The following PCGF5 variants were observed in gnomAD, a reference collection of about 807,000 sequenced individuals.
PCGF5 encodes polycomb group RING finger protein 5.
A neutral mutation model predicts 44.3 loss-of-function variants in PCGF5; 9 were observed. The observed-to-expected ratio is 0.20, with a 90% CI of 0.12 to 0.35. PCGF5 has a LOEUF of 0.35. Ranked by LOEUF, PCGF5 falls within the 10% of genes least tolerant of loss-of-function variation. PCGF5 has a pLI of 1.00. For missense variants in PCGF5, 146 were observed against 305.3 expected (o/e 0.48, Z 3.89); for synonymous variants, 95 against 102.5 (o/e 0.93, Z 0.44).
intron 1 of PCGF5, among the ~76,000 whole-genome samples, chr10:91,180,962 T>C (rs1324557539): frequency 6.6e-6 from 1 of 152,254 alleles, no homozygotes; most frequent in Non-Finnish European, 1.5e-5. Flanking sequence ...TTTCACAATA[T>C]TGATTCTTCC....
At chr10:91,164,053 T>C (rs1005852870) in intron 1 of PCGF5, among the ~76,000 whole-genome samples, 6 of 152,228 alleles carry the variant, frequency 3.9e-5, no homozygotes, top group Non-Finnish European at 7.3e-5. Context: ...GGCCGTGAGC[T>C]CCAGGGCGGT....
intron 1 of PCGF5, among the ~76,000 whole-genome samples, chr10:91,163,920 A>G (rs960972225): frequency 7.9e-5 from 12 of 151,972 alleles, no homozygotes; most frequent in Non-Finnish European, 7.4e-5. Flanking sequence ...GAAACGTGCT[A>G]TTTTTTCGCT....
chr10:91,237,192 G>T (rs1349003647), intron 2 of PCGF5, among the ~76,000 whole-genome samples: 1 of 152,108 alleles, frequency 6.6e-6, no homozygotes, highest in African/African-American at 2.4e-5. Context: ...AAATTGTATT[G>T]AATTAAATAT....
At chr10:91,219,880 CT>C (rs1404474134), upstream of PCGF5, among the ~76,000 whole-genome samples, 23 of 152,114 alleles carry the variant, frequency 1.5e-4, no homozygotes, top group Admixed American at 1.5e-3. Context: ...TTAGAGTCAT[CT>C]ATCACTTTAG....
intron 2 of PCGF5, among the ~76,000 whole-genome samples, chr10:91,228,796 T>G (rs1202332849): frequency 6.6e-6 from 1 of 152,208 alleles, no homozygotes; most frequent in Non-Finnish European, 1.5e-5. Context: ...ATTAGCTGCA[T>G]CCACCATCAG....
At chr10:91,195,442 GTATATATA>G (rs1844110999) in intron 1 of PCGF5, among the ~76,000 whole-genome samples, 2 of 142,728 alleles carry the variant, frequency 1.4e-5, no homozygotes, top group African/African-American at 5.6e-5. Flanking sequence ...TAAATCATAT[GTATATATA>G]TGCATATATA....
At chr10:91,250,744 G>A (rs899655513) in intron 5 of PCGF5, among the ~76,000 whole-genome samples, 1 of 151,660 alleles carries the variant, frequency 6.6e-6, no homozygotes, top group African/African-American at 2.4e-5. Flanking sequence ...CTTTAATGGA[G>A]TTGTAACATG....
intron 2 of PCGF5, among the ~76,000 whole-genome samples, chr10:91,235,451 C>A (rs985955094): frequency 2.0e-5 from 3 of 152,076 alleles, no homozygotes; most frequent in African/African-American, 7.3e-5. Context: ...GCTGGTTAAT[C>A]CCAGTACTTT....
At chr10:91,244,116 T>A (rs548318933) in intron 3 of PCGF5, among the ~76,000 whole-genome samples, 1 of 152,200 alleles carries the variant, frequency 6.6e-6, no homozygotes, top group African/African-American at 2.4e-5. Flanking sequence ...TTATATGGTA[T>A]GTTAGAAAGT....
intron 1 of PCGF5, among the ~76,000 whole-genome samples, chr10:91,203,449 C>A (rs1364629330): frequency 4.6e-5 from 7 of 152,048 alleles, no homozygotes; most frequent in African/African-American, 1.7e-4. Flanking sequence ...AGAAGATAAC[C>A]CCAAAGGTTA....
rs117927248 is a variant in PCGF5, at chr10:91,212,307, C to T, written c.-183-10382C>T. 8.3e-3 allele frequency among the ~76,000 whole-genome samples: 1,260 copies of T among 152,240 alleles called. 8 individuals carry two copies. The highest frequency in any genetic ancestry group is 0.027 in the East Asian group (140 of 5,182). On this transcript the variant is annotated intron_variant, in intron 1 of 9. Transcript: ENST00000614189. ...AATTTCCACACTGTTCAAGAAGGCA[C>T]GGGAAGATACATGAAATATTGTGTT...
chr10:91,218,481 A>G (rs1174691015), upstream of PCGF5, among the ~76,000 whole-genome samples: 1 of 152,158 alleles, frequency 6.6e-6, no homozygotes, highest in Non-Finnish European at 1.5e-5. Flanking sequence ...CTAGACTAGG[A>G]TAAGTAACTG....
intron 6 of PCGF5, 65 bp downstream of exon 6, chr10:91,251,505 A>G (rs957827292): frequency 3.0e-5 from 44 of 1,463,384 alleles, no homozygotes; most frequent in Non-Finnish European, 3.9e-5. Context: ...TAATTTGTTG[A>G]CAAATTTTCT....
At chr10:91,244,961 G>A (rs1845422367) in intron 3 of PCGF5, among the ~76,000 whole-genome samples, 1 of 152,118 alleles carries the variant, frequency 6.6e-6, no homozygotes, top group Admixed American at 6.6e-5. Flanking sequence ...GAACTCAAAG[G>A]GAGAGGTCTG....
intron 8 of PCGF5, among the ~76,000 whole-genome samples, chr10:91,265,390 T>C (rs112022556): frequency 1.3e-3 from 197 of 152,262 alleles, no homozygotes; most frequent in African/African-American, 4.5e-3. Context: ...TGAATTAAGA[T>C]TGGCTATAAG....
At chr10:91,187,878 C>G (rs1035165296) in intron 1 of PCGF5, among the ~76,000 whole-genome samples, 4 of 151,828 alleles carry the variant, frequency 2.6e-5, no homozygotes, top group African/African-American at 7.3e-5. Context: ...AACTAAGTGA[C>G]TTGACATCTT....
rs117102647 is a variant in PCGF5, at chr10:91,245,815, G to A, written c.210-2690G>A. Among the ~76,000 whole-genome samples, 1,394 of 152,250 alleles carry A rather than the reference G, an allele frequency of 9.2e-3. 14 individuals carry two copies. The highest frequency in any genetic ancestry group is 0.02 in the South Asian group (97 of 4,828). On this transcript the variant is annotated intron_variant, in intron 3 of 9. Coordinates refer to ENST00000336126, the MANE Select transcript of PCGF5 (RefSeq NM_032373.5). ...GAAAGTGTTTGTCAGTCAAAATTAA[G>A]GATAGAGGAAAGGGATTTGGAGAGT...
intron 2 of PCGF5, among the ~76,000 whole-genome samples, chr10:91,239,589 C>T (rs540391752): frequency 4.6e-5 from 7 of 151,974 alleles, no homozygotes; most frequent in South Asian, 4.2e-4. Flanking sequence ...TCAGGTTATA[C>T]GGGGTAATAG....
At chr10:91,227,491 A>C (rs1844876918) in intron 2 of PCGF5, 2 of 1,277,432 alleles carry the variant, frequency 1.6e-6, no homozygotes, top group South Asian at 2.5e-5. Context: ...AAACTGGGCA[A>C]AGTCCTGCTG....
Sources: gnomAD v4.1 joint callset for allele counts (sites outside exome capture counted in the v4.1 genomes callset) on GRCh38, gnomAD v4.1.1 for gene constraint, MANE v1.5 for transcripts, NCBI Gene and HGNC (gene_info 2026-07-23, HGNC 2026-07-21) for gene names.